The following EPHA6 variants were observed in gnomAD, a reference collection of about 807,000 sequenced individuals.
EPHA6 encodes the protein EPH receptor A6.
Under a neutral mutation model 112.0 loss-of-function variants are expected in EPHA6, and 50 were observed. The ratio of observed to expected loss-of-function variants is 0.45; its 90% CI spans 0.36 to 0.56. EPHA6 has a LOEUF of 0.56. EPHA6 is among the 20% of genes least tolerant of loss of function. EPHA6 has a pLI of 0.00. For synonymous variants in EPHA6, 529 were observed against 490.7 expected (o/e 1.08, Z -1.03); for missense variants, 1,280 against 1,417.4 (o/e 0.90, Z 1.56).
At position 96,917,156 on chromosome 3, in the gene EPHA6, C is replaced by T. The variant is rs186382967; in HGVS notation, c.450+50267C>T. Among the ~76,000 whole-genome samples the T allele has an allele frequency of 2.4e-3, 363 of 152,080 alleles. 2 individuals are homozygous for T. Among genetic ancestry groups the T allele is most frequent in the Non-Finnish European group, 2.7e-3 (181 of 67,974 alleles). On this transcript the variant is annotated intron_variant, in intron 2 of 17. Coordinates refer to ENST00000389672, the MANE Select transcript of EPHA6 (RefSeq NM_001080448.3). ...CATTTTTTGGCCGGGTGTGGTGGCT[C>T]GCACCTGTAATCCCAGCACTTTGAG...
intron 5 of EPHA6, among the ~76,000 whole-genome samples, chr3:97,334,303 A>G (rs566571828): frequency 6.6e-6 from 1 of 152,122 alleles, no homozygotes; most frequent in African/African-American, 2.4e-5. Context: ...ACCTCAATAA[A>G]TGAGTTAAAA....
chr3:97,120,338 G>A (rs2048007436), intron 3 of EPHA6, among the ~76,000 whole-genome samples: 1 of 151,444 alleles, frequency 6.6e-6, no homozygotes, highest in Non-Finnish European at 1.5e-5. Context: ...ACTTAGTACA[G>A]GTAAGTTTTA....
intron 3 of EPHA6, chr3:97,010,078 G>A: frequency 7.8e-7 from 1 of 1,287,566 alleles, no homozygotes; most frequent in Admixed American, 2.4e-5. Flanking sequence ...AAGAATAAAA[G>A]AAAAAGCAAA....
intron 11 of EPHA6, among the ~76,000 whole-genome samples, chr3:97,567,656 AAC>A (rs2093284694): frequency 6.6e-6 from 1 of 152,350 alleles, no homozygotes; most frequent in Non-Finnish European, 1.5e-5. Flanking sequence ...CACCAGGAGA[AAC>A]ACAGGGTAGA....
chr3:97,726,037 G>A (rs1191730392), intron 15 of EPHA6, among the ~76,000 whole-genome samples: 1 of 151,992 alleles, frequency 6.6e-6, no homozygotes, highest in African/African-American at 2.4e-5. Context: ...TTTAATCAAT[G>A]GTAATAATAG....
intron 8 of EPHA6, among the ~76,000 whole-genome samples, chr3:97,478,705 C>T (rs905646000): frequency 1.4e-4 from 21 of 152,084 alleles, no homozygotes; most frequent in African/African-American, 4.8e-4. Context: ...CCATAGAATT[C>T]GAGGCAAAAT....
At position 97,761,193 on chromosome 3, in the gene EPHA6, T is replaced by C. The variant is rs1245057594; in HGVS notation, c.*12492T>C. The C allele has an allele frequency of 1.0e-5, 2 of 198,506 alleles. No individual in the cohort carries two copies. Among genetic ancestry groups the C allele is most frequent in the East Asian group, 1.6e-4 (2 of 12,716 alleles). The allele number at this position is 198,506 out of a possible 1,614,324, so 12.3% of individuals were successfully genotyped here. A position where few individuals can be genotyped will look rare whatever the true frequency, so the allele number is the denominator to read the frequency against. ...TTTGAAGGTGGTACTATTTTTATCT[T>C]ACAAAAATCTACTATAATATTAATA... On this transcript the variant is annotated 3_prime_UTR_variant, in exon 18 of 18. Coordinates refer to ENST00000389672, the MANE Select transcript of EPHA6 (RefSeq NM_001080448.3).
At chr3:97,305,596 C>T (rs939395372) in intron 5 of EPHA6, among the ~76,000 whole-genome samples, 1 of 151,926 alleles carries the variant, frequency 6.6e-6, no homozygotes, top group Non-Finnish European at 1.5e-5. Flanking sequence ...AAGCCTTTAT[C>T]CTCAGCAAAC....
chr3:97,638,059 C>T lies in EPHA6; in HGVS notation c.2761C>T (p.Pro921Ser), dbSNP rs1228963909. ...FGLSRVLEDDPEAAYTTTGGK... is the reference protein window; with the variant it reads ...FGLSRVLEDDSEAAYTTTGGK... ...TCTCTCCAGAGTGCTGGAAGATGAT[C>T]CAGAAGCTGCTTATACAACAACTGT... Residue 921 changes from proline to serine, a missense_variant, in exon 14 of 18, where the codon CCA becomes TCA. Physicochemically the swap from Pro to Ser is moderately conservative, Grantham distance 74. Transcript: ENST00000389672. The T allele has an allele frequency of 6.2e-7, 1 of 1,613,272 alleles. No individual in the cohort carries two copies. Among genetic ancestry groups the T allele is most frequent in the African/African-American group, 1.3e-5 (1 of 74,878 alleles).
intron 3 of EPHA6, among the ~76,000 whole-genome samples, chr3:97,217,057 C>T (rs2078054429): frequency 6.6e-6 from 1 of 152,088 alleles, no homozygotes; most frequent in Non-Finnish European, 1.5e-5. Flanking sequence ...GAGGAAAGCC[C>T]TACAATTTCC....
intron 2 of EPHA6, among the ~76,000 whole-genome samples, chr3:96,980,223 T>G (rs1327565756): frequency 6.6e-6 from 1 of 152,196 alleles, no homozygotes; most frequent in African/African-American, 2.4e-5. Context: ...TGAATTGATT[T>G]TTGTATAAGG....
chr3:96,970,346 T>C (rs1263879946), intron 2 of EPHA6, among the ~76,000 whole-genome samples: 2 of 151,870 alleles, frequency 1.3e-5, no homozygotes, highest in Non-Finnish European at 1.5e-5. Flanking sequence ...TCCTAACTTA[T>C]AATTGTGTGC....
At chr3:97,345,366 C>T (rs967155657) in intron 5 of EPHA6, among the ~76,000 whole-genome samples, 17 of 152,240 alleles carry the variant, frequency 1.1e-4, no homozygotes, top group Admixed American at 2.6e-4. Context: ...AAGAGGAACT[C>T]CATGCTGATA....
At chr3:96,898,293 A>G (rs2038393023) in intron 2 of EPHA6, among the ~76,000 whole-genome samples, 1 of 152,206 alleles carries the variant, frequency 6.6e-6, no homozygotes, top group South Asian at 2.1e-4. Context: ...TTGCAGTGTG[A>G]CTTAAATATT....
chr3:96,950,229 G>A (rs1428502696), intron 2 of EPHA6, among the ~76,000 whole-genome samples: 1 of 151,992 alleles, frequency 6.6e-6, no homozygotes, highest in Non-Finnish European at 1.5e-5. Context: ...TTTCTCATGT[G>A]CTTCTGTATA....
At chr3:97,220,007 A>C (rs1322566905) in intron 3 of EPHA6, among the ~76,000 whole-genome samples, 1 of 152,218 alleles carries the variant, frequency 6.6e-6, no homozygotes, top group East Asian at 1.9e-4. Flanking sequence ...ATCTCTCATG[A>C]GTTCAAGGTT....
chr3:97,669,765 A>T (rs967832540), intron 14 of EPHA6, among the ~76,000 whole-genome samples: 1 of 152,186 alleles, frequency 6.6e-6, no homozygotes, highest in Non-Finnish European at 1.5e-5. Flanking sequence ...TAAATTGTTC[A>T]GGTTAGTTGT....
intron 2 of EPHA6, among the ~76,000 whole-genome samples, chr3:96,978,414 G>A (rs2042617674): frequency 6.6e-6 from 1 of 152,012 alleles, no homozygotes; most frequent in Admixed American, 6.6e-5. Context: ...TTTCCAAAAG[G>A]AAAAGTATGC....
At chr3:97,317,857 A>G (rs1238638167) in intron 5 of EPHA6, among the ~76,000 whole-genome samples, 2 of 152,026 alleles carry the variant, frequency 1.3e-5, no homozygotes, top group Middle Eastern at 3.2e-3. Context: ...CCCAAAGAGC[A>G]ATTCACACAG....
Sources: allele counts gnomAD v4.1 joint callset (sites outside exome capture counted in the v4.1 genomes callset), GRCh38; gene constraint gnomAD v4.1.1; transcripts MANE v1.5; gene names NCBI Gene and HGNC (gene_info 2026-07-23, HGNC 2026-07-21).